The following PKP1 variants were observed in gnomAD, a reference collection of about 807,000 sequenced individuals.
PKP1 encodes plakophilin 1.
Under a neutral mutation model 76.4 loss-of-function variants are expected in PKP1, and 27 were observed. The ratio of observed to expected loss-of-function variants is 0.35; its 90% confidence interval spans 0.26 to 0.49. The LOEUF (loss-of-function observed/expected upper bound fraction) is 0.49. Ranked by LOEUF, PKP1 falls within the 20% of genes least tolerant of loss-of-function variation. The pLI is 0.99. For missense variants in PKP1, 964 were observed against 955.2 expected, an observed-to-expected ratio of 1.01 and a Z score of -0.12; for synonymous variants, 404 against 384.2, an observed-to-expected ratio of 1.05 and a Z score of -0.60.
At chr1:201,324,857 GAA>G in intron 10 of PKP1, 82 bp from the exon 11 acceptor site, 2 of 1,369,890 alleles carry the variant, frequency 1.5e-6, no homozygotes, top group Non-Finnish European at 2.0e-6. Context: ...GAAGGCTATC[GAA>G]GAGTGTGGCC....
rs1341738133 is a variant in PKP1 at position 201,330,691 on chromosome 1, G to A, written c.*650G>A. 1 of 152,248 alleles carries A rather than the reference G, an allele frequency of 6.6e-6. No homozygotes were observed. Among genetic ancestry groups the A allele is most frequent in the Admixed American group, 6.5e-5 (1 of 15,284 alleles). 9.4% of individuals were successfully genotyped at this position (152,248 alleles called of 1,614,324 possible). A position where few individuals can be genotyped will look rare whatever the true frequency, so the allele number is the denominator to read the frequency against. On this transcript the variant is annotated 3_prime_UTR_variant, in exon 14 of 14. Transcript: ENST00000367324. ...GCTGCTTTCCAGGAAGGGAGGTCTG[G>A]TGTATCTCATGGGAGAATCTGGGGT... is the stretch of plus-strand genomic sequence containing the variant.
At position 201,325,024 on chromosome 1, in the gene PKP1, G is replaced by A. The variant is rs763353426; in HGVS notation, c.1918G>A (p.Ala640Thr). The change falls in exon 11 of 14, where the codon GCC becomes ACC. Residue 640 changes from alanine to threonine, a missense_variant. Physicochemically the swap from Ala to Thr is moderately conservative, Grantham distance 58. Transcript: ENST00000367324. Reference sequence around the variant, plus strand: ...CAACTCCGAAGACATCTTGTCCTCGGCCTGCTACACTGTGAGGAACCTGAT... The same window carrying A: ...CAACTCCGAAGACATCTTGTCCTCGACCTGCTACACTGTGAGGAACCTGAT... ...TSNSEDILSS[A>T]CYTVRNLMAS... 1 of 1,613,760 alleles carries A rather than the reference G, an allele frequency of 6.2e-7. No homozygotes were observed. Among genetic ancestry groups the A allele is most frequent in the Non-Finnish European group, 8.5e-7 (1 of 1,180,026 alleles).
Position 201,330,808 on chromosome 1 carries a change from T to C in PKP1, c.*767T>C, listed in dbSNP as rs1657298979. 1.3e-5 allele frequency: 2 copies of C among 152,272 alleles called. No individual in the cohort carries two copies. The highest frequency in any genetic ancestry group is 4.8e-5 in the African/African-American group (2 of 41,444). The allele number at this position is 152,272 out of a possible 1,614,324, so 9.4% of individuals were successfully genotyped here. On this transcript the variant is annotated 3_prime_UTR_variant, in exon 14 of 14. Coordinates refer to ENST00000367324, the MANE Select transcript of PKP1 (RefSeq NM_001005337.3). The stretch of plus-strand genomic sequence containing the variant: ...GACAGCAGGACACTCTCGCATACTT[T>C]GCCAAATGAGGCCTGCTCAGAGGAG...
intron 1 of PKP1, 31 bp downstream of exon 1, chr1:201,283,935 G>T: frequency 6.3e-7 from 1 of 1,594,498 alleles, no homozygotes; most frequent in Non-Finnish European, 8.6e-7. Flanking sequence ...TGGTCCGTGC[G>T]CCCCTTTCCA....
intron 5 of PKP1, 105 bp from the exon 6 acceptor site, chr1:201,318,513 A>G (rs1298419667): frequency 3.2e-5 from 31 of 975,416 alleles, no homozygotes; most frequent in Admixed American, 7.2e-5. Flanking sequence ...GGAAAGCGAC[A>G]TTTCAGTAGG....
chr1:201,312,057 C>T (rs1656573277), intron 2 of PKP1, among the ~76,000 whole-genome samples: 2 of 152,206 alleles, frequency 1.3e-5, no homozygotes, highest in Admixed American at 6.5e-5. Context: ...AGCTTCTCCC[C>T]ATTGCCAGCC....
chr1:201,328,230 C>T (rs888627660), intron 12 of PKP1: 2 of 213,054 alleles, frequency 9.4e-6, no homozygotes, highest in African/African-American at 4.6e-5. Context: ...CACTCTCCAT[C>T]CAGCAGGCAC....
At chr1:201,328,058 G>A (rs566480633) in intron 12 of PKP1, among the ~76,000 whole-genome samples, 5 of 152,296 alleles carry the variant, frequency 3.3e-5, no homozygotes, top group South Asian at 2.1e-4. Context: ...CCCACAGGTC[G>A]GTGATGGCTG....
chr1:201,289,741 C>T (rs1232490056), intron 1 of PKP1, among the ~76,000 whole-genome samples: 1 of 151,844 alleles, frequency 6.6e-6, no homozygotes, highest in African/African-American at 2.4e-5. Flanking sequence ...ACAGAAGCCA[C>T]ATTCCAAGGA....
Position 201,322,148 on chromosome 1 carries a change from A to G in PKP1, c.1503+15A>G, listed in dbSNP as rs1393223734. ...ACAAGATGATGGTGAGCACAGCATCAGCAGGGCGGGGCCTGCCCCATCAAG... is the reference window on the plus strand; with the variant it reads ...ACAAGATGATGGTGAGCACAGCATCGGCAGGGCGGGGCCTGCCCCATCAAG... On this transcript the variant is annotated intron_variant, in intron 8 of 13. Coordinates refer to ENST00000367324, the MANE Select transcript of PKP1 (RefSeq NM_001005337.3). 1 of 1,608,296 alleles carries G rather than the reference A, an allele frequency of 6.2e-7. No homozygotes were observed. Among genetic ancestry groups the G allele is most frequent in the Non-Finnish European group, 8.5e-7 (1 of 1,179,852 alleles).
chr1:201,324,343 G>C (rs1657042291), intron 9 of PKP1, 85 bp from the exon 10 acceptor site: 1 of 1,410,338 alleles, frequency 7.1e-7, no homozygotes, highest in Non-Finnish European at 1.0e-6. Flanking sequence ...TGGGATGTCT[G>C]CCTTTGGGGC....
chr1:201,317,660 G>A lies in PKP1; in HGVS notation c.935G>A (p.Arg312His), dbSNP rs769754162. 1.6e-5 allele frequency: 26 copies of A among 1,613,850 alleles called. No homozygotes were observed. The highest frequency in any genetic ancestry group is 2.0e-5 in the Non-Finnish European group (24 of 1,179,998). The change falls in exon 5 of 14, where the codon CGC (arginine) becomes CAC (histidine). Residue 312 changes from arginine to histidine, a missense_variant. By Grantham distance (29) the Arg-to-His change is conservative (BLOSUM62 0). Coordinates refer to ENST00000367324, the MANE Select transcript of PKP1 (RefSeq NM_001005337.3). ...CAGCAGGCCGCGGCAGGGGCCCTGC[G>A]CAACCTGGTGTTCAGGAGCACCACC... ...NVQQAAAGAL[R>H]NLVFRSTTNK... is the part of the protein sequence containing the mutation.
In PKP1 at chr1:201,318,671, G is replaced by A. The variant is rs180970899; in HGVS notation, c.1108G>A (p.Asp370Asn). The change falls in exon 6 of 14, where the codon GAC (aspartate) becomes AAC (asparagine). Residue 370 changes from aspartate (D) to asparagine (N), a missense_variant. By Grantham distance (23) the Asp-to-Asn change is conservative (BLOSUM62 1). Coordinates refer to ENST00000367324, the MANE Select transcript of PKP1 (RefSeq NM_001005337.3). ...TDELKEELIA[D>N]ALPVLADRVI... Reference sequence around the variant, plus strand: ...CGAGCTGAAGGAGGAACTCATTGCCGACGCCCTGCCTGTTCTGGCCGACCG... The same window carrying A: ...CGAGCTGAAGGAGGAACTCATTGCCAACGCCCTGCCTGTTCTGGCCGACCG... 2.3e-5 allele frequency: 37 copies of A among 1,612,338 alleles called. No individual in the cohort carries two copies. In the South Asian group the frequency reaches 3.1e-4, roughly 13 times the overall value.
chr1:201,308,213 A>G (rs1300794678), intron 2 of PKP1, among the ~76,000 whole-genome samples: 1 of 152,002 alleles, frequency 6.6e-6, no homozygotes, highest in Non-Finnish European at 1.5e-5. Context: ...AGGCTGCCTC[A>G]CCCTGCCTAG....
intron 1 of PKP1, among the ~76,000 whole-genome samples, chr1:201,291,593 GC>G (rs1180135911): frequency 6.6e-6 from 1 of 152,174 alleles, no homozygotes; most frequent in African/African-American, 2.4e-5. Flanking sequence ...CCTGGTGCAA[GC>G]CCCCCGGGGC....
Position 201,320,250 on chromosome 1 carries a change from C to T in PKP1, c.1233-17C>T. ...TCCCCCTTTCTCTGCCCTCTTCCAC[C>T]CTCTTCTCTCCCCCAGGAACCTGAG... On this transcript the variant is annotated splice_polypyrimidine_tract_variant and intron_variant, in intron 6 of 13. Coordinates refer to ENST00000367324, the MANE Select transcript of PKP1 (RefSeq NM_001005337.3). 1 of 1,556,352 alleles carries T rather than the reference C, an allele frequency of 6.4e-7. No homozygotes were observed. Among genetic ancestry groups the T allele is most frequent in the Non-Finnish European group, 8.9e-7 (1 of 1,127,676 alleles).
At chr1:201,328,087 A>G in intron 12 of PKP1, among the ~76,000 whole-genome samples, 1 of 152,204 alleles carries the variant, frequency 6.6e-6, no homozygotes, top group East Asian at 1.9e-4. Context: ...CTCAGAGCTC[A>G]GGGCTGGCAG....
chr1:201,324,386 G>C (rs780384405), intron 9 of PKP1, 42 bp from the exon 10 acceptor site: 2 of 1,501,050 alleles, frequency 1.3e-6, no homozygotes, highest in East Asian at 5.0e-5. Context: ...ATGGTGCCTG[G>C]GAAGCCACAG....
intron 3 of PKP1, among the ~76,000 whole-genome samples, chr1:201,315,935 T>C (rs1434831038): frequency 6.6e-6 from 1 of 152,130 alleles, no homozygotes; most frequent in Non-Finnish European, 1.5e-5. Flanking sequence ...TTGCTGCCTT[T>C]AAAGTGATCA....
Sources: allele counts gnomAD v4.1 joint callset (sites outside exome capture counted in the v4.1 genomes callset), GRCh38; gene constraint gnomAD v4.1.1; transcripts MANE v1.5; gene names NCBI Gene and HGNC (gene_info 2026-07-23, HGNC 2026-07-21).